Variants in EEFSEC observed in about 807,000 individuals in gnomAD.
EEFSEC encodes the protein selenocysteine-specific elongation factor.
In EEFSEC, 43 loss-of-function variants were observed where a neutral mutation model predicts 42.1. That is an observed-to-expected ratio of 1.02 (90% CI 0.80 to 1.32). The LOEUF (loss-of-function observed/expected upper bound fraction) is 1.32, where lower values mean the gene tolerates loss of function less well. Ranked by LOEUF, EEFSEC falls within the 40% of genes most tolerant of loss-of-function variation. The pLI, the probability that EEFSEC is intolerant of heterozygous loss-of-function variation, is 0.00. For synonymous variants in EEFSEC, 354 were observed against 339.1 expected (o/e 1.04, Z -0.48); for missense variants, 745 against 803.6 (o/e 0.93, Z 0.88).
At chr3:128,255,397 G>A (rs961922216) in intron 2 of EEFSEC, among the ~76,000 whole-genome samples, 1 of 152,210 alleles carries the variant, frequency 6.6e-6, no homozygotes, top group Non-Finnish European at 1.5e-5. Context: ...AGAGCACTGA[G>A]TTGACCACTG....
At chr3:128,411,011 T>C (rs76294209), downstream of EEFSEC, among the ~76,000 whole-genome samples, 6,631 of 152,222 alleles carry the variant, frequency 0.044, 487 homozygotes, top group African/African-American at 0.15. Context: ...GCGGACCTGC[T>C]CTGTGTGGCC....
At chr3:128,233,957 T>A (rs2065983234) in intron 1 of EEFSEC, among the ~76,000 whole-genome samples, 1 of 152,210 alleles carries the variant, frequency 6.6e-6, no homozygotes, top group South Asian at 2.1e-4. Flanking sequence ...GCCTGGTGCA[T>A]TCTTAAGCAT....
intron 1 of EEFSEC, among the ~76,000 whole-genome samples, chr3:128,245,836 C>A (rs1198167877): frequency 6.6e-6 from 1 of 152,038 alleles, no homozygotes; most frequent in Non-Finnish European, 1.5e-5. Context: ...AAAAGAAAGG[C>A]CCTCCCTCCT....
chr3:128,406,879 T>TATATATACACACAC (rs2068121300), intron 6 of EEFSEC, among the ~76,000 whole-genome samples: 2 of 151,176 alleles, frequency 1.3e-5, no homozygotes, highest in African/African-American at 4.9e-5. Context: ...TATACATACA[T>TATATATACACACAC]ATATATATAT....
intron 4 of EEFSEC, among the ~76,000 whole-genome samples, chr3:128,301,276 C>T (rs1052879754): frequency 2.6e-5 from 4 of 152,188 alleles, no homozygotes; most frequent in Non-Finnish European, 4.4e-5. Context: ...CATGCAGCTC[C>T]TCCGGTGTGC....
At chr3:128,206,407 CA>C (rs2065697122) in intron 1 of EEFSEC, among the ~76,000 whole-genome samples, 1 of 152,138 alleles carries the variant, frequency 6.6e-6, no homozygotes, top group African/African-American at 2.4e-5. Flanking sequence ...TGAATCTAGG[CA>C]TTAGAGGAAG....
intron 4 of EEFSEC, among the ~76,000 whole-genome samples, chr3:128,272,258 C>T (rs148934548): frequency 3.5e-4 from 54 of 152,350 alleles, no homozygotes; most frequent in Non-Finnish European, 6.5e-4. Context: ...TCGAAGGATC[C>T]GTCCTGACAG....
chr3:128,317,418 T>C lies in EEFSEC; in HGVS notation c.787-23815T>C, dbSNP rs1012467091. ...TCAGCGTGTGCTTGGTGCTGCTGCA[T>C]GCCAGGCACACTGTGAGAACTGTGG... On this transcript the variant is annotated intron_variant, in intron 4 of 6. Coordinates refer to ENST00000254730, the MANE Select transcript of EEFSEC (RefSeq NM_021937.5). This position sits in a 1 kb window ranked among gnomAD's most constrained non-coding sequence, Gnocchi z 4.1. Among the ~76,000 whole-genome samples the C allele has an allele frequency of 9.2e-5, 14 of 152,254 alleles. No homozygotes were observed. Among genetic ancestry groups the C allele is most frequent in the African/African-American group, 3.4e-4 (14 of 41,476 alleles).
intron 6 of EEFSEC, among the ~76,000 whole-genome samples, chr3:128,374,205 C>A (rs1391041140): frequency 6.6e-6 from 1 of 152,226 alleles, no homozygotes; most frequent in East Asian, 1.9e-4. Flanking sequence ...GACTGTGTGG[C>A]TCTTTTGGAC....
chr3:128,354,205 C>A (rs983508559), intron 5 of EEFSEC, among the ~76,000 whole-genome samples: 3 of 152,134 alleles, frequency 2.0e-5, no homozygotes, highest in African/African-American at 4.8e-5. Context: ...GTGCCTCCCC[C>A]ACAAATGGAA....
intron 1 of EEFSEC, among the ~76,000 whole-genome samples, chr3:128,201,958 T>A (rs1157895363): frequency 6.6e-6 from 1 of 152,190 alleles, no homozygotes; most frequent in Non-Finnish European, 1.5e-5. Flanking sequence ...TCTTGAAAAG[T>A]TTTTTAGATT....
At chr3:128,362,652 C>T (rs1282052833) in intron 6 of EEFSEC, among the ~76,000 whole-genome samples, 1 of 152,210 alleles carries the variant, frequency 6.6e-6, no homozygotes, top group Non-Finnish European at 1.5e-5. Flanking sequence ...AAGCCCCAGG[C>T]CCCTATTACC....
At chr3:128,379,910 T>C (rs1391854509) in intron 6 of EEFSEC, among the ~76,000 whole-genome samples, 1 of 152,244 alleles carries the variant, frequency 6.6e-6, no homozygotes, top group Non-Finnish European at 1.5e-5. Context: ...GAATGAGTCA[T>C]GTGGCCAGCC....
At chr3:128,211,465 T>C (rs1457435884) in intron 1 of EEFSEC, among the ~76,000 whole-genome samples, 3 of 152,072 alleles carry the variant, frequency 2.0e-5, no homozygotes, top group Non-Finnish European at 4.4e-5. Flanking sequence ...TAACATACTG[T>C]TACTTGACAA....
rs112621397 is a variant in EEFSEC, at chr3:128,407,980, G to A, written c.1601-89G>A. The stretch of plus-strand genomic sequence containing the variant: ...TTGGCTAGGGAGGGAGGCAGAAGAG[G>A]GGTGAGTCTAGGCAGCAGGTGCGCG... On this transcript the variant is annotated intron_variant, in intron 6 of 6. Coordinates refer to ENST00000254730, the MANE Select transcript of EEFSEC (RefSeq NM_021937.5). The A allele has an allele frequency of 1.7e-5, 21 of 1,263,974 alleles. 2 individuals are homozygous for A. Among genetic ancestry groups the A allele is most frequent in the African/African-American group, 1.5e-4 (10 of 66,104 alleles). 78.3% of individuals were successfully genotyped at this position (1,263,974 alleles called of 1,614,324 possible).
At position 128,279,900 on chromosome 3, in the gene EEFSEC, A is replaced by C. The variant is rs571813634; in HGVS notation, c.786+15119A>C. Among the ~76,000 whole-genome samples, 25 of 152,312 alleles carry C rather than the reference A, an allele frequency of 1.6e-4. No individual in the cohort carries two copies. The East Asian group carries it at 4.6e-3, about 28-fold the overall frequency. Reference sequence around the variant, plus strand: ...TTTACCACACTGTTCTTATACCAAGAGTCAGTGCACACGAGCTCAGTGTCC... The same window carrying C: ...TTTACCACACTGTTCTTATACCAAGCGTCAGTGCACACGAGCTCAGTGTCC... On this transcript the variant is annotated intron_variant, in intron 4 of 6. Coordinates refer to ENST00000254730, the MANE Select transcript of EEFSEC (RefSeq NM_021937.5).
intron 5 of EEFSEC, among the ~76,000 whole-genome samples, chr3:128,348,265 T>TGTGTGC (rs1553758416): frequency 2.1e-5 from 2 of 93,712 alleles, no homozygotes; most frequent in Non-Finnish European, 4.0e-5. Context: ...TGTGTGTGTG[T>TGTGTGC]GTGTGCGTGT....
intron 4 of EEFSEC, among the ~76,000 whole-genome samples, chr3:128,275,380 G>T (rs1414890625): frequency 6.6e-6 from 1 of 152,232 alleles, no homozygotes; most frequent in African/African-American, 2.4e-5. Flanking sequence ...CTCTGATTCA[G>T]ATGAAAGTGT....
At chr3:128,333,870 A>G (rs910735762) in intron 4 of EEFSEC, among the ~76,000 whole-genome samples, 2 of 152,264 alleles carry the variant, frequency 1.3e-5, no homozygotes, top group Admixed American at 6.5e-5. Flanking sequence ...AGCTAAGTTG[A>G]AAGACAGTCG....
Sources: gnomAD v4.1 joint callset for allele counts (sites outside exome capture counted in the v4.1 genomes callset) on GRCh38, gnomAD v4.1.1 for gene constraint, Gnocchi (gnomAD v3.1) non-coding constraint, MANE v1.5 for transcripts, NCBI Gene and HGNC (gene_info 2026-07-23, HGNC 2026-07-21) for gene names.